The following APLP2 variants were observed in gnomAD, a reference collection of about 807,000 sequenced individuals.
APLP2 encodes the protein CDEI box-binding protein.
Under a neutral mutation model 89.9 loss-of-function variants are expected in APLP2, and 53 were observed. The ratio of observed to expected loss-of-function variants is 0.59; its 90% CI spans 0.47 to 0.74. APLP2 has a LOEUF of 0.74. Ranked by LOEUF, APLP2 falls within the 30% of genes least tolerant of loss-of-function variation. The pLI, the probability that APLP2 is intolerant of heterozygous loss-of-function variation, is 0.00. For synonymous variants in APLP2, 372 were observed against 348.6 expected, an observed-to-expected ratio of 1.07 and a Z score of -0.75; for missense variants, 973 against 975.9, an observed-to-expected ratio of 1.00 and a Z score of 0.04.
At position 130,110,631 on chromosome 11, in the gene APLP2, A is replaced by C. The variant is rs1393175787; in HGVS notation, c.373A>C (p.Ser125Arg). ...CCGGAGGGACAAAAAGCAATGCAAG[A>C]GTCGCTTTGTTACACCTTTCAAGTG... ...WCRRDKKQCK[S>R]RFVTPFKCLV... is the part of the protein sequence containing the mutation. Residue 125 changes from serine (S) to arginine (R), a missense_variant, in exon 3 of 17, where the codon AGT becomes CGT. Ser to Arg is a moderately radical substitution (Grantham distance 110). Transcript: ENST00000338167. 1 of 1,613,694 alleles carries C rather than the reference A, an allele frequency of 6.2e-7. No individual in the cohort carries two copies. The highest frequency in any genetic ancestry group is 8.5e-7 in the Non-Finnish European group (1 of 1,179,936).
intron 13 of APLP2, among the ~76,000 whole-genome samples, chr11:130,137,534 C>G (rs144858361): frequency 6.6e-6 from 1 of 152,324 alleles, no homozygotes; most frequent in South Asian, 2.1e-4. Context: ...AGCTTTCCCT[C>G]TGGGATGTCA....
In APLP2 at chr11:130,123,568, G is replaced by A. The variant is rs374272849; in HGVS notation, c.923-44G>A. The A allele has an allele frequency of 1.8e-5, 28 of 1,578,038 alleles. No homozygotes were observed. Among genetic ancestry groups the A allele is most frequent in the South Asian group, 4.6e-5 (4 of 87,216 alleles). On this transcript the variant is annotated intron_variant, in intron 6 of 16. Coordinates refer to ENST00000338167, the MANE Select transcript of APLP2 (RefSeq NM_001142276.2). The surrounding 1 kb of genome is among the most constrained non-coding windows in gnomAD (Gnocchi z 4.0). Reference sequence around the variant, plus strand: ...CCTGTAGCATTTTGAAGCATTTGACGTCACTGCCTCTGTCCTGCTGACACT... The same window carrying A: ...CCTGTAGCATTTTGAAGCATTTGACATCACTGCCTCTGTCCTGCTGACACT...
chr11:130,129,277 C>G lies in APLP2; in HGVS notation c.1455+71C>G, dbSNP rs937865831. On this transcript the variant is annotated intron_variant, in intron 10 of 16. Transcript: ENST00000338167. The stretch of plus-strand genomic sequence containing the variant: ...GGGGACCAATGTATGACACTCAGGT[C>G]AGTAAAAGTGACATTTGTATGACAA... 4.0e-6 allele frequency: 6 copies of G among 1,482,292 alleles called. No individual in the cohort carries two copies. The Admixed American group carries it at 1.1e-4, about 28-fold the overall frequency. 91.8% of individuals were successfully genotyped at this position (1,482,292 alleles called of 1,614,324 possible).
chr11:130,084,854 T>C (rs1943859137), intron 1 of APLP2, among the ~76,000 whole-genome samples: 2 of 150,784 alleles, frequency 1.3e-5, no homozygotes, highest in African/African-American at 4.9e-5. Flanking sequence ...AAAAAAACAA[T>C]AGAAAAAAAT....
intron 1 of APLP2, among the ~76,000 whole-genome samples, chr11:130,080,203 T>A (rs1470607589): frequency 6.6e-6 from 1 of 152,128 alleles, no homozygotes; most frequent in African/African-American, 2.4e-5. Flanking sequence ...GAAGAGAGCA[T>A]TGCCTTTATT....
At position 130,127,762 on chromosome 11, in the gene APLP2, C is replaced by T; in HGVS notation, c.1222-4C>T. 6.2e-7 allele frequency: 1 copy of T among 1,613,906 alleles called. No individual in the cohort carries two copies. The highest frequency in any genetic ancestry group is 8.5e-7 in the Non-Finnish European group (1 of 1,179,912). ...GCTGACGGCGTTTTTGACCTTTGTT[C>T]TAGGTAAAGAAGGAATGGGAAGAGG... is the stretch of plus-strand genomic sequence containing the variant. On this transcript the variant is annotated splice_polypyrimidine_tract_variant and splice_region_variant and intron_variant, in intron 8 of 16. Transcript: ENST00000338167.
At chr11:130,070,835 G>A in intron 1 of APLP2, 1 of 1,172,690 alleles carries the variant, frequency 8.5e-7, no homozygotes, top group Non-Finnish European at 1.1e-6. Context: ...GTCCTCTTCG[G>A]GTGTCAGAAT....
chr11:130,135,550 C>G lies in APLP2; in HGVS notation c.1685-13C>G, dbSNP rs367856998. ...TGAAGCCTGCTTTCTGTCCCCTGCC[C>G]TGTCTTCATCAGATGAGCTCCTTCA... On this transcript the variant is annotated splice_polypyrimidine_tract_variant and intron_variant, in intron 12 of 16. Transcript: ENST00000338167. 3.5e-5 allele frequency: 57 copies of G among 1,613,496 alleles called. No individual in the cohort carries two copies. Among genetic ancestry groups the G allele is most frequent in the Middle Eastern group, 3.3e-4 (2 of 6,080 alleles).
chr11:130,141,264 GA>G lies in APLP2; in HGVS notation c.1924-230del. 6 of 519,620 alleles carry G rather than the reference GA, an allele frequency of 1.2e-5. No homozygotes were observed. Among genetic ancestry groups the G allele is most frequent in the East Asian group, 3.2e-5 (1 of 30,886 alleles). The allele number at this position is 519,620 out of a possible 1,614,324, so 32.2% of individuals were successfully genotyped here. On this transcript the variant is annotated intron_variant, in intron 14 of 16. Coordinates refer to ENST00000338167, the MANE Select transcript of APLP2 (RefSeq NM_001142276.2). This position sits in a 1 kb window ranked among gnomAD's most constrained non-coding sequence, Gnocchi z 4.2. ...ACGTCTCCACAACGGTTACTTGAAG[GA>G]AAATGCATACGGGACCAGCTGCCAT...
chr11:130,083,912 TA>T (rs1430574247), intron 1 of APLP2, among the ~76,000 whole-genome samples: 1 of 152,228 alleles, frequency 6.6e-6, no homozygotes, highest in Non-Finnish European at 1.5e-5. Flanking sequence ...TACTATTTTC[TA>T]TAGTGGCTGC....
intron 13 of APLP2, among the ~76,000 whole-genome samples, chr11:130,138,627 C>T (rs1306844909): frequency 6.8e-6 from 1 of 146,278 alleles, no homozygotes; most frequent in Non-Finnish European, 1.5e-5. Flanking sequence ...TTGCTGTTGC[C>T]CAGGCTGGAG....
chr11:130,127,674 T>G, intron 8 of APLP2, 92 bp from the exon 9 acceptor site: 2 of 1,056,500 alleles, frequency 1.9e-6, no homozygotes, highest in African/African-American at 1.6e-5. Context: ...CAGTTTCCTG[T>G]GAGATTTAGC....
chr11:130,133,562 C>T (rs1951174811), intron 11 of APLP2, 67 bp from the exon 12 acceptor site: 1 of 1,174,882 alleles, frequency 8.5e-7, no homozygotes. Flanking sequence ...GATGTTCCAG[C>T]TGCAAGTTCC....
At chr11:130,099,069 G>C (rs1158790762) in intron 1 of APLP2, among the ~76,000 whole-genome samples, 2 of 152,150 alleles carry the variant, frequency 1.3e-5, no homozygotes, top group Admixed American at 1.3e-4. Flanking sequence ...ATGCTGGCCA[G>C]TGAGTTCAAA....
At chr11:130,083,627 G>T (rs1228664957) in intron 1 of APLP2, among the ~76,000 whole-genome samples, 5 of 152,048 alleles carry the variant, frequency 3.3e-5, no homozygotes, top group African/African-American at 1.2e-4. Flanking sequence ...ATGTCCTCCA[G>T]GTTCATCCAT....
At chr11:130,070,741 GCT>G in intron 1 of APLP2, 1 of 1,449,710 alleles carries the variant, frequency 6.9e-7, no homozygotes, top group South Asian at 1.3e-5. Flanking sequence ...GAGGAAACCC[GCT>G]CTGGGTGCGT....
intron 1 of APLP2, among the ~76,000 whole-genome samples, chr11:130,083,738 A>G (rs1565553399): frequency 1.3e-5 from 2 of 152,036 alleles, no homozygotes; most frequent in Non-Finnish European, 2.9e-5. Context: ...CTCGATGGAC[A>G]TTTAGGTTGT....
chr11:130,136,862 TGGGGGTC>T (rs1951678280), intron 13 of APLP2, among the ~76,000 whole-genome samples: 1 of 152,124 alleles, frequency 6.6e-6, no homozygotes, highest in Non-Finnish European at 1.5e-5. Flanking sequence ...ATGTGCTTGT[TGGGGGTC>T]GGGGCAGCTT....
chr11:130,110,409 T>C, intron 2 of APLP2, 129 bp from the exon 3 acceptor site: 2 of 1,123,092 alleles, frequency 1.8e-6, no homozygotes, highest in Non-Finnish European at 1.3e-6. Context: ...CCAGGGATAA[T>C]GGAGTGGAAC....
Sources: allele counts gnomAD v4.1 joint callset (sites outside exome capture counted in the v4.1 genomes callset), GRCh38; gene constraint gnomAD v4.1.1; non-coding constraint Gnocchi (gnomAD v3.1); transcripts MANE v1.5; gene names NCBI Gene and HGNC (gene_info 2026-07-23, HGNC 2026-07-21).